SLC19A1: variants seen among roughly 807,000 people sequenced by gnomAD.
SLC19A1 encodes solute carrier family 19 member 1.
Under a neutral mutation model 35.3 loss-of-function variants are expected in SLC19A1, and 37 were observed. The ratio of observed to expected loss-of-function variants is 1.05; its 90% confidence interval spans 0.81 to 1.38. The LOEUF is 1.38. Among genes scored for constraint, SLC19A1 ranks in the 40% most tolerant of loss-of-function variants. The pLI is 0.00. For missense variants in SLC19A1, 831 were observed against 826.9 expected, an observed-to-expected ratio of 1.00 and a Z score of -0.06; for synonymous variants, 460 against 398.5, an observed-to-expected ratio of 1.15 and a Z score of -1.84.
chr21:45,515,256 C>T lies in SLC19A1; in HGVS notation c.*402G>A. ...CTACACCTGAGGGTCCCGGCTCCCA[C>T]CCTGCCCTAGAGGGCTCACAACTCC... On this transcript the variant is annotated 3_prime_UTR_variant, in exon 6 of 6. Transcript: ENST00000311124. 8 of 1,499,854 alleles carry T rather than the reference C, an allele frequency of 5.3e-6. No homozygotes were observed. The Admixed American group carries it at 2.0e-4, about 38-fold the overall frequency. 92.9% of individuals were successfully genotyped at this position (1,499,854 alleles called of 1,614,324 possible).
At position 45,540,550 on chromosome 21, in the gene SLC19A1, A is replaced by G. The variant is rs1333560136; in HGVS notation, c.-50+1818T>C. Among the ~76,000 whole-genome samples the G allele has an allele frequency of 6.6e-6, 1 of 152,254 alleles. No homozygotes were observed. Among genetic ancestry groups the G allele is most frequent in the Non-Finnish European group, 1.5e-5 (1 of 68,042 alleles). On this transcript the variant is annotated intron_variant, in intron 1 of 5. Coordinates refer to ENST00000311124, the MANE Select transcript of SLC19A1 (RefSeq NM_194255.4). The surrounding 1 kb of genome is among the most constrained non-coding windows in gnomAD (Gnocchi z 5.5). ...GTCTTAACAGTCAGCCTCTGCTGCCAGCATACTCAACTTATGTGCCGTGAA... is the reference window on the plus strand; with the variant it reads ...GTCTTAACAGTCAGCCTCTGCTGCCGGCATACTCAACTTATGTGCCGTGAA...
At chr21:45,509,866 C>G (rs541821492), downstream of SLC19A1, among the ~76,000 whole-genome samples, 909 of 152,308 alleles carry the variant, frequency 6.0e-3, 15 homozygotes, top group African/African-American at 0.021. Context: ...GGGGCACCCA[C>G]GTGGCCCGGG....
intron 4 of SLC19A1, among the ~76,000 whole-genome samples, chr21:45,526,298 A>C (rs1407918100): frequency 6.6e-6 from 1 of 152,250 alleles, no homozygotes; most frequent in Non-Finnish European, 1.5e-5. Context: ...TTGAGGATGG[A>C]ACCCAAGTCT....
chr21:45,547,501 T>C (rs543864048), upstream of SLC19A1, among the ~76,000 whole-genome samples: 1 of 152,242 alleles, frequency 6.6e-6, no homozygotes, highest in South Asian at 2.1e-4. Context: ...ATCTAGTCTT[T>C]GAAGCCTGCG....
chr21:45,523,359 A>G (rs943220877), intron 5 of SLC19A1, among the ~76,000 whole-genome samples: 13 of 152,134 alleles, frequency 8.5e-5, no homozygotes, highest in African/African-American at 3.1e-4. Flanking sequence ...TTTTTTTTCT[A>G]TGTGACAAGA....
chr21:45,508,712 C>T (rs2037398975), downstream of SLC19A1, among the ~76,000 whole-genome samples: 1 of 152,146 alleles, frequency 6.6e-6, no homozygotes, highest in Non-Finnish European at 1.5e-5. Flanking sequence ...TGCTCTCACT[C>T]ATTTGCTGAT....
At chr21:45,527,343 G>A (rs954463949) in intron 4 of SLC19A1, among the ~76,000 whole-genome samples, 2 of 142,296 alleles carry the variant, frequency 1.4e-5, no homozygotes, top group African/African-American at 2.7e-5. Context: ...GGGCCCAGGA[G>A]GTGAGAGGCA....
At position 45,517,885 on chromosome 21, in the gene SLC19A1, G is replaced by A. The variant is rs2047487137; in HGVS notation, c.1294-1745C>T. On this transcript the variant is annotated intron_variant, in intron 5 of 5. Coordinates refer to ENST00000311124, the MANE Select transcript of SLC19A1 (RefSeq NM_194255.4). This position sits in a 1 kb window ranked among gnomAD's most constrained non-coding sequence, Gnocchi z 4.4. ...GCCTGGACTTCCACCCCACCTGCCTGTAGCGAGGTGCACACCCCGCTTGAC... is the reference window on the plus strand; with the variant it reads ...GCCTGGACTTCCACCCCACCTGCCTATAGCGAGGTGCACACCCCGCTTGAC... Among the ~76,000 whole-genome samples, 1 of 152,186 alleles carries A rather than the reference G, an allele frequency of 6.6e-6. No individual in the cohort carries two copies. Among genetic ancestry groups the A allele is most frequent in the African/African-American group, 2.4e-5 (1 of 41,442 alleles).
chr21:45,509,208 C>G (rs898981356), downstream of SLC19A1: 4 of 1,108,502 alleles, frequency 3.6e-6, no homozygotes, highest in African/African-American at 1.6e-5. Flanking sequence ...TGCCTACACC[C>G]CCAGGGCAGC....
rs760605806 is a variant in SLC19A1, at chr21:45,512,788, G to A, written c.*2870C>T. 1.3e-4 allele frequency: 44 copies of A among 335,252 alleles called. No homozygotes were observed. The highest frequency in any genetic ancestry group is 8.8e-4 in the South Asian group (34 of 38,566). The allele number at this position is 335,252 out of a possible 1,614,324, so 20.8% of individuals were successfully genotyped here. On this transcript the variant is annotated 3_prime_UTR_variant, in exon 6 of 6. Coordinates refer to ENST00000311124, the MANE Select transcript of SLC19A1 (RefSeq NM_194255.4). ...ACTTCATCTCCCACCTAGCAGCACCGTTCTGTGCACAAAACCCAGACCTGT... is the reference window on the plus strand; with the variant it reads ...ACTTCATCTCCCACCTAGCAGCACCATTCTGTGCACAAAACCCAGACCTGT...
intron 5 of SLC19A1, among the ~76,000 whole-genome samples, chr21:45,521,408 T>C (rs1232443306): frequency 1.3e-5 from 2 of 152,216 alleles, no homozygotes; most frequent in African/African-American, 4.8e-5. Context: ...TGTTCATGGA[T>C]TGGAAAACAA....
chr21:45,514,263 C>G lies in SLC19A1; in HGVS notation c.*1395G>C, dbSNP rs1032059544. 5 of 151,988 alleles carry G rather than the reference C, an allele frequency of 3.3e-5. No homozygotes were observed. Among genetic ancestry groups the G allele is most frequent in the African/African-American group, 9.7e-5 (4 of 41,214 alleles). 9.4% of individuals were successfully genotyped at this position (151,988 alleles called of 1,614,324 possible). A position where few individuals can be genotyped will look rare whatever the true frequency, so the allele number is the denominator to read the frequency against. Reference sequence around the variant, plus strand: ...CAGGAAATGGCTGGTGCAGACCCCCCCCCAAGCAGGGTCCCCAGGGTGGCC... The same window carrying G: ...CAGGAAATGGCTGGTGCAGACCCCCGCCCAAGCAGGGTCCCCAGGGTGGCC... On this transcript the variant is annotated 3_prime_UTR_variant, in exon 6 of 6. Transcript: ENST00000311124.
At chr21:45,528,675 C>CA in intron 4 of SLC19A1, among the ~76,000 whole-genome samples, 1 of 152,294 alleles carries the variant, frequency 6.6e-6, no homozygotes, top group African/African-American at 2.4e-5. Context: ...AATTTGGAAA[C>CA]AAAAATGTAG....
downstream of SLC19A1, chr21:45,510,092 T>A: frequency 6.3e-7 from 1 of 1,585,600 alleles, no homozygotes; most frequent in Non-Finnish European, 8.6e-7. Flanking sequence ...AACAGCCCCC[T>A]GTCAGGCGGC....
chr21:45,536,869 C>G (rs1477220776), intron 2 of SLC19A1, among the ~76,000 whole-genome samples: 1 of 152,110 alleles, frequency 6.6e-6, no homozygotes, highest in African/African-American at 2.4e-5. Flanking sequence ...GAGCGCTTTT[C>G]CAGGCTCTTC....
Position 45,537,940 on chromosome 21 carries a change from G to A in SLC19A1, c.20C>T (p.Ala7Val), listed in dbSNP as rs781242771. 1.1e-5 allele frequency: 17 copies of A among 1,578,174 alleles called. No homozygotes were observed. Among genetic ancestry groups the A allele is most frequent in the Admixed American group, 1.8e-5 (1 of 56,432 alleles). Reference protein sequence around the residue: MVPSSPAVEKQVPVEPG... With the variant: MVPSSPVVEKQVPVEPG... ...TTCCACGGGCACCTGCTTCTCCACC[G>A]CTGGGCTGGAGGGCACCATCCTGCT... Residue 7 changes from alanine (A) to valine (V), a missense_variant, in exon 2 of 6, where the codon GCG becomes GTG. Physicochemically the swap from Ala to Val is moderately conservative, Grantham distance 64. Coordinates refer to ENST00000311124, the MANE Select transcript of SLC19A1 (RefSeq NM_194255.4).
At position 45,531,677 on chromosome 21, in the gene SLC19A1, C is replaced by T. The variant is rs769776728; in HGVS notation, c.661G>A (p.Glu221Lys). The T allele has an allele frequency of 1.9e-6, 3 of 1,612,424 alleles. No individual in the cohort carries two copies. The highest frequency in any genetic ancestry group is 2.5e-6 in the Non-Finnish European group (3 of 1,179,772). ...CGCTCCAGCTCCGAAGCCGAGGTTT[C>T]GCACCGCCCCCGGTCGTCGCGGTTG... The part of the protein sequence containing the change: ...FFNRDDRGRC[E>K]TSASELERMN... The change falls in exon 3 of 6, where the codon GAA (glutamate) becomes AAA (lysine). Residue 221 changes from glutamate (E) to lysine (K), a missense_variant. Physicochemically the swap from Glu to Lys is moderately conservative, Grantham distance 56 (BLOSUM62 1). Transcript: ENST00000311124.
intron 5 of SLC19A1, among the ~76,000 whole-genome samples, chr21:45,522,126 C>A (rs1328748764): frequency 2.0e-5 from 3 of 151,854 alleles, no homozygotes; most frequent in Non-Finnish European, 1.5e-5. Context: ...GCTTAAAACT[C>A]AAGAGTATAA....
intron 3 of SLC19A1, chr21:45,502,763 G>C (rs1381113784): frequency 6.6e-6 from 1 of 152,232 alleles, no homozygotes; most frequent in Non-Finnish European, 1.5e-5. Context: ...TCAGGGCCAA[G>C]ACACAGCTGC....
Sources: gnomAD v4.1 joint callset for allele counts (sites outside exome capture counted in the v4.1 genomes callset) on GRCh38, gnomAD v4.1.1 for gene constraint, Gnocchi (gnomAD v3.1) non-coding constraint, MANE v1.5 for transcripts, NCBI Gene and HGNC (gene_info 2026-07-23, HGNC 2026-07-21) for gene names.